Variants in NUP50 observed in about 807,000 individuals in gnomAD.
The protein encoded by NUP50 is nuclear pore complex protein Nup50.
In NUP50, 14 loss-of-function variants were observed where a neutral mutation model predicts 36.8. That is an observed-to-expected ratio of 0.38 (90% CI 0.25 to 0.59). NUP50 has a LOEUF of 0.59. NUP50 is among the 20% of genes least tolerant of loss of function. The probability of loss-of-function intolerance (pLI) is 0.63; values close to 1 mark genes in which losing one functional copy is unlikely to be tolerated. For missense variants in NUP50, 455 were observed against 564.6 expected (o/e 0.81, Z 1.97); for synonymous variants, 195 against 210.8 (o/e 0.93, Z 0.65).
At chr22:45,180,842 T>TA (rs11416722) in intron 5 of NUP50, among the ~76,000 whole-genome samples, 53,871 of 147,150 alleles carry the variant, frequency 0.37, 9,764 homozygotes, top group East Asian at 0.56. Context: ...TGTCCCCTGT[T>TA]AAAAAAAAAA....
intron 1 of NUP50, among the ~76,000 whole-genome samples, chr22:45,167,264 T>C (rs2074109197): frequency 6.6e-6 from 1 of 151,922 alleles, no homozygotes; most frequent in Non-Finnish European, 1.5e-5. Flanking sequence ...GCAGGGGAAA[T>C]GGAAAGGTTT....
Position 45,172,907 on chromosome 22 carries a change from A to G in NUP50, c.153+1224A>G, listed in dbSNP as rs1213690733. Among the ~76,000 whole-genome samples the G allele has an allele frequency of 3.9e-5, 6 of 152,372 alleles. No individual in the cohort carries two copies. In the South Asian group the frequency reaches 1.0e-3, roughly 26 times the overall value. On this transcript the variant is annotated intron_variant, in intron 3 of 7. Transcript: ENST00000347635. ...CTAAAATATATTACTGTATATACCA[A>G]TATAGTGTAATTCGAGGCAGAGATA...
At chr22:45,184,086 G>C in intron 7 of NUP50, 1 of 252,528 alleles carries the variant, frequency 4.0e-6, no homozygotes, top group Non-Finnish European at 7.7e-6. Context: ...TGACAGAGGT[G>C]TCCTTTGTCC....
chr22:45,166,827 G>A (rs1338142334), intron 1 of NUP50, among the ~76,000 whole-genome samples: 1 of 152,010 alleles, frequency 6.6e-6, no homozygotes, highest in Admixed American at 6.6e-5. Flanking sequence ...GGTTCCCAGC[G>A]AATGGAAAGT....
At chr22:45,183,578 T>C (rs2074417034) in intron 7 of NUP50, 58 bp downstream of exon 7, 2 of 1,073,664 alleles carry the variant, frequency 1.9e-6, no homozygotes, top group Non-Finnish European at 2.9e-6. Flanking sequence ...TAAAAGCGTT[T>C]ACCCTGCTGA....
intron 7 of NUP50, 95 bp downstream of exon 7, chr22:45,183,615 CAG>C (rs759601125): frequency 1.8e-5 from 15 of 848,708 alleles, no homozygotes; most frequent in East Asian, 7.3e-5. Flanking sequence ...TGTTTTTAAA[CAG>C]AGCGCATTCA....
In NUP50 at chr22:45,173,351, T is replaced by G. The variant is rs1309718434; in HGVS notation, c.153+1668T>G. On this transcript the variant is annotated intron_variant, in intron 3 of 7. Transcript: ENST00000347635. ...TGAACTTCAGGTGTTTTTTTTTTTT[T>G]TTTGTCTGGTTTGATTTTATGAATT... Among the ~76,000 whole-genome samples the G allele has an allele frequency of 2.6e-5, 4 of 152,026 alleles. No individual in the cohort carries two copies. In the South Asian group the frequency reaches 8.3e-4, roughly 32 times the overall value.
chr22:45,183,538 G>A lies in NUP50; in HGVS notation c.1204+18G>A, dbSNP rs768879297. The A allele has an allele frequency of 2.1e-6, 3 of 1,455,510 alleles. No individual in the cohort carries two copies. The highest frequency in any genetic ancestry group is 2.3e-5 in the South Asian group (2 of 87,930). The allele number at this position is 1,455,510 out of a possible 1,614,324, so 90.2% of individuals were successfully genotyped here. A position where few individuals can be genotyped will look rare whatever the true frequency, so the allele number is the denominator to read the frequency against. ...CAATTTAGGTGGGTACCTTTTTTCA[G>A]TTAGCACAAAATCATCATCACATAG... On this transcript the variant is annotated intron_variant, in intron 7 of 7. Coordinates refer to ENST00000347635, the MANE Select transcript of NUP50 (RefSeq NM_007172.4).
chr22:45,179,792 G>A (rs1332648642), intron 5 of NUP50, among the ~76,000 whole-genome samples: 3 of 152,186 alleles, frequency 2.0e-5, no homozygotes, highest in South Asian at 2.1e-4. Context: ...AGGCTGAGGT[G>A]GGAGTATCTC....
intron 2 of NUP50, among the ~76,000 whole-genome samples, chr22:45,170,237 C>A (rs562731635): frequency 2.6e-4 from 39 of 151,996 alleles, no homozygotes; most frequent in Non-Finnish European, 1.9e-4. Flanking sequence ...TGCCGGTCTC[C>A]GTGTCTTGGT....
rs928707085 is a variant in NUP50, at chr22:45,178,128, T to TG, written c.341-104dup. 2.2e-5 allele frequency: 21 copies of TG among 946,572 alleles called. No homozygotes were observed. In the African/African-American group the frequency reaches 3.0e-4, roughly 14 times the overall value. The allele number at this position is 946,572 out of a possible 1,614,324, so 58.6% of individuals were successfully genotyped here. The stretch of plus-strand genomic sequence containing the variant: ...GTGACAGAGCAAGACTGTCTTGGTG[T>TG]GGGGGGAGATACAGTAAAAGCAGAA... On this transcript the variant is annotated intron_variant, in intron 4 of 7. Transcript: ENST00000347635.
rs190807295 is a variant in NUP50, at chr22:45,184,176, C to G, written c.1205-277C>G. The G allele has an allele frequency of 6.6e-6, 3 of 451,470 alleles. No homozygotes were observed. In the East Asian group the frequency reaches 1.3e-4, roughly 19 times the overall value. 28.0% of individuals were successfully genotyped at this position (451,470 alleles called of 1,614,324 possible). On this transcript the variant is annotated intron_variant, in intron 7 of 7. Transcript: ENST00000347635. Reference sequence around the variant, plus strand: ...AGACGGACAGTGTTGAGAGGGCTGACGGTTCTGAGCGAGGCTGCTGGCTCT... The same window carrying G: ...AGACGGACAGTGTTGAGAGGGCTGAGGGTTCTGAGCGAGGCTGCTGGCTCT...
chr22:45,184,944 A>C lies in NUP50; in HGVS notation c.*289A>C, dbSNP rs1030038853. 2.4e-5 allele frequency: 10 copies of C among 411,828 alleles called. No individual in the cohort carries two copies. The highest frequency in any genetic ancestry group is 7.1e-4 in the Middle Eastern group (1 of 1,408). 25.5% of individuals were successfully genotyped at this position (411,828 alleles called of 1,614,324 possible). On this transcript the variant is annotated 3_prime_UTR_variant, in exon 8 of 8. Transcript: ENST00000347635. ...CTAACCCTAAGTGATTTCTTCAAGG[A>C]CTGCAATCAGGGTATCAATTTGCTT...
intron 1 of NUP50, chr22:45,166,027 C>T (rs1027919902): frequency 1.3e-5 from 2 of 152,186 alleles, no homozygotes; most frequent in African/African-American, 4.8e-5. Context: ...AGACAGGACA[C>T]CTGCTGTTTG....
intron 6 of NUP50, among the ~76,000 whole-genome samples, chr22:45,182,378 G>A (rs944828613): frequency 6.6e-6 from 1 of 152,068 alleles, no homozygotes. Flanking sequence ...AGAAGCAGAG[G>A]TTGCAGTGAG....
chr22:45,170,178 C>G (rs1284594634), intron 2 of NUP50, among the ~76,000 whole-genome samples: 3 of 151,992 alleles, frequency 2.0e-5, no homozygotes, highest in Non-Finnish European at 4.4e-5. Flanking sequence ...ACCCTGCTCC[C>G]TTGTCTTGTA....
chr22:45,183,988 C>A, intron 7 of NUP50: 1 of 202,356 alleles, frequency 4.9e-6, no homozygotes, highest in Non-Finnish European at 1.0e-5. Flanking sequence ...TGCAGAAACT[C>A]CAGGGAGGCA....
At chr22:45,181,014 T>C (rs1271130357) in intron 5 of NUP50, among the ~76,000 whole-genome samples, 1 of 152,182 alleles carries the variant, frequency 6.6e-6, no homozygotes. Flanking sequence ...ATGGAGATTT[T>C]TCCATTTTAA....
chr22:45,183,705 T>C (rs2074420452), intron 7 of NUP50, 185 bp downstream of exon 7: 1 of 535,834 alleles, frequency 1.9e-6, no homozygotes, highest in East Asian at 3.0e-5. Flanking sequence ...ATAAATGTGT[T>C]AGAAGCTGTA....
Sources: gnomAD v4.1 joint callset for allele counts (sites outside exome capture counted in the v4.1 genomes callset) on GRCh38, gnomAD v4.1.1 for gene constraint, MANE v1.5 for transcripts, NCBI Gene and HGNC (gene_info 2026-07-23, HGNC 2026-07-21) for gene names.